The following MTFR1L variants were observed in gnomAD, a reference collection of about 807,000 sequenced individuals.
MTFR1L encodes the protein mitochondrial fission regulator 1-like.
In MTFR1L, 10 loss-of-function variants were observed where a neutral mutation model predicts 27.9. The ratio of observed to expected loss-of-function variants is 0.36; its 90% CI spans 0.22 to 0.61. The LOEUF is 0.61. Among genes scored for constraint, MTFR1L ranks in the 20% least tolerant of loss-of-function variants. The probability of loss-of-function intolerance (pLI) is 0.73; values close to 1 mark genes in which losing one functional copy is unlikely to be tolerated. For missense variants in MTFR1L, 315 were observed against 363.7 expected, an observed-to-expected ratio of 0.87 and a Z score of 1.09; for synonymous variants, 151 against 139.4, an observed-to-expected ratio of 1.08 and a Z score of -0.58.
chr1:25,821,248 T>A (rs1461753790), intron 1 of MTFR1L, among the ~76,000 whole-genome samples: 1 of 152,202 alleles, frequency 6.6e-6, no homozygotes. Context: ...GTGTGAGGGT[T>A]AGGCCCGGCT....
intron 1 of MTFR1L, 32 bp downstream of exon 1, chr1:25,820,061 G>T (rs2048064954): frequency 2.5e-6 from 1 of 403,114 alleles, no homozygotes; most frequent in Non-Finnish European, 4.8e-6. Flanking sequence ...CGCGGAGGCG[G>T]GAGCGCGACC....
intron 3 of MTFR1L, among the ~76,000 whole-genome samples, chr1:25,824,973 C>G (rs1475571311): frequency 6.6e-6 from 1 of 151,946 alleles, no homozygotes; most frequent in Non-Finnish European, 1.5e-5. Flanking sequence ...ATGTGTCAGG[C>G]ACTGTGCTGT....
At chr1:25,823,576 G>A in intron 2 of MTFR1L, 68 bp from the exon 3 acceptor site, 2 of 1,576,918 alleles carry the variant, frequency 1.3e-6, no homozygotes, top group Non-Finnish European at 1.7e-6. Context: ...AACCTAGAGA[G>A]GAGAGGACAA....
Position 25,819,981 on chromosome 1 carries a change from G to A in MTFR1L, c.-135G>A. Reference sequence around the variant, plus strand: ...GGCGGTTGAGGCTGGGCGGCCCAAGGTGGAAGGAGGGGCCGTGAGGTGAGA... The same window carrying A: ...GGCGGTTGAGGCTGGGCGGCCCAAGATGGAAGGAGGGGCCGTGAGGTGAGA... On this transcript the variant is annotated 5_prime_UTR_variant, in exon 1 of 7. It adds an upstream start codon to the 5' untranslated region. Transcript: ENST00000374303. 3 of 332,640 alleles carry A rather than the reference G, an allele frequency of 9.0e-6. No homozygotes were observed. Among genetic ancestry groups the A allele is most frequent in the South Asian group, 6.6e-5 (3 of 45,498 alleles). The allele number at this position is 332,640 out of a possible 1,614,324, so 20.6% of individuals were successfully genotyped here. A position where few individuals can be genotyped will look rare whatever the true frequency, so the allele number is the denominator to read the frequency against.
At chr1:25,823,811 C>A in intron 3 of MTFR1L, 63 bp downstream of exon 3, 1 of 1,573,030 alleles carries the variant, frequency 6.4e-7, no homozygotes, top group Non-Finnish European at 8.6e-7. Context: ...TGCCCCAAAC[C>A]CCTTGGTACT....
intron 6 of MTFR1L, among the ~76,000 whole-genome samples, chr1:25,830,782 C>T (rs2124485030): frequency 6.6e-6 from 1 of 152,276 alleles, no homozygotes; most frequent in African/African-American, 2.4e-5. Context: ...TCCTGGGATC[C>T]ATTTCCCTCT....
intron 1 of MTFR1L, 152 bp downstream of exon 1, chr1:25,820,181 C>G (rs1478105135): frequency 4.4e-6 from 2 of 453,582 alleles, no homozygotes; most frequent in Non-Finnish European, 8.9e-6. Flanking sequence ...CTCACTTGGC[C>G]CGGGGGAAAC....
chr1:25,822,978 G>T lies in MTFR1L; in HGVS notation c.-86-41G>T, dbSNP rs766272979. Reference sequence around the variant, plus strand: ...GTGGTGACCATTAAATCCCCACTGTGGGGGGTTGTTTCACAAGAGGGAAAT... The same window carrying T: ...GTGGTGACCATTAAATCCCCACTGTTGGGGGTTGTTTCACAAGAGGGAAAT... On this transcript the variant is annotated intron_variant, in intron 1 of 6. Coordinates refer to ENST00000374303, the MANE Select transcript of MTFR1L (RefSeq NM_001099625.2). 5.8e-6 allele frequency: 9 copies of T among 1,543,562 alleles called. No individual in the cohort carries two copies. In the East Asian group the frequency reaches 2.0e-4, roughly 35 times the overall value.
At chr1:25,823,514 C>A in intron 2 of MTFR1L, 130 bp from the exon 3 acceptor site, 1 of 1,431,736 alleles carries the variant, frequency 7.0e-7, no homozygotes, top group East Asian at 2.5e-5. Flanking sequence ...TGAGAGTTGA[C>A]TTGCCCCTAG....
At chr1:25,822,534 T>C (rs1304792838) in intron 1 of MTFR1L, 1 of 147,446 alleles carries the variant, frequency 6.8e-6, no homozygotes, top group Admixed American at 6.6e-5. Context: ...TTTTTTTTTT[T>C]TTTTTTTTTT....
intron 5 of MTFR1L, among the ~76,000 whole-genome samples, chr1:25,827,899 G>A (rs2048188653): frequency 6.6e-6 from 1 of 150,810 alleles, no homozygotes; most frequent in Non-Finnish European, 1.5e-5. Context: ...CTAATTTTTT[G>A]TATTTTTAGT....
chr1:25,820,393 C>G (rs984412), intron 1 of MTFR1L: 358,563 of 453,108 alleles, frequency 0.79, 143,611 homozygotes, highest in East Asian at 0.98. Context: ...AGGCGGCGAG[C>G]ACTTGGCCGA....
Position 25,832,916 on chromosome 1 carries a change from AAAGG to A in MTFR1L, c.*896_*899del, listed in dbSNP as rs1307745018. 2 of 152,402 alleles carry A rather than the reference AAAGG, an allele frequency of 1.3e-5. No homozygotes were observed. Among genetic ancestry groups the A allele is most frequent in the Non-Finnish European group, 2.9e-5 (2 of 68,106 alleles). 9.4% of individuals were successfully genotyped at this position (152,402 alleles called of 1,614,324 possible). A position where few individuals can be genotyped will look rare whatever the true frequency, so the allele number is the denominator to read the frequency against. On this transcript the variant is annotated 3_prime_UTR_variant, in exon 7 of 7. Coordinates refer to ENST00000374303, the MANE Select transcript of MTFR1L (RefSeq NM_001099625.2). Reference sequence around the variant, plus strand: ...TTGGGTTGAAGCACTACCTGACATTAAAGGAAGGACTTGGAGAGAGAATGCATTT... The same window carrying A: ...TTGGGTTGAAGCACTACCTGACATTAAAGGACTTGGAGAGAGAATGCATTT...
chr1:25,831,896 A>T lies in MTFR1L; in HGVS notation c.774-25A>T, dbSNP rs752881811. On this transcript the variant is annotated intron_variant, in intron 6 of 6. Transcript: ENST00000374303. Reference sequence around the variant, plus strand: ...CAGCACTACACAGGAAAGAGTAAGTACTCAAGCTATTATTGTGTCTCTAGG... The same window carrying T: ...CAGCACTACACAGGAAAGAGTAAGTTCTCAAGCTATTATTGTGTCTCTAGG... The T allele has an allele frequency of 2.5e-6, 4 of 1,574,208 alleles. No homozygotes were observed. In the Admixed American group the frequency reaches 6.7e-5, roughly 26 times the overall value.
intron 1 of MTFR1L, among the ~76,000 whole-genome samples, chr1:25,821,303 G>C (rs1572244013): frequency 6.6e-6 from 1 of 152,224 alleles, no homozygotes; most frequent in African/African-American, 2.4e-5. Context: ...AGTAAGCACC[G>C]TTAGTGCAAT....
chr1:25,832,344 A>T lies in MTFR1L; in HGVS notation c.*318A>T. The T allele has an allele frequency of 1.6e-6, 1 of 633,922 alleles. No individual in the cohort carries two copies. The highest frequency in any genetic ancestry group is 1.9e-5 in the South Asian group (1 of 51,946). 39.3% of individuals were successfully genotyped at this position (633,922 alleles called of 1,614,324 possible). A position where few individuals can be genotyped will look rare whatever the true frequency, so the allele number is the denominator to read the frequency against. ...CCTGTGTGAAAATAGGTCCTAAATG[A>T]CTGACTTCACTGCATTAGACCCTAT... On this transcript the variant is annotated 3_prime_UTR_variant, in exon 7 of 7. Transcript: ENST00000374303.
In MTFR1L at chr1:25,832,491, A is replaced by ATCT. The variant is rs1319078491; in HGVS notation, c.*467_*469dup. 6 of 300,710 alleles carry ATCT rather than the reference A, an allele frequency of 2.0e-5. No homozygotes were observed. In the East Asian group the frequency reaches 4.0e-4, roughly 20 times the overall value. 18.6% of individuals were successfully genotyped at this position (300,710 alleles called of 1,614,324 possible). On this transcript the variant is annotated 3_prime_UTR_variant, in exon 7 of 7. Transcript: ENST00000374303. ...TATACATGTTCACAGGGCACGGAAAATCTTATGCTGCTCCGTCATAAACCT... is the reference window on the plus strand; with the variant it reads ...TATACATGTTCACAGGGCACGGAAAATCTTCTTATGCTGCTCCGTCATAAACCT...
Position 25,832,293 on chromosome 1 carries a change from G to A in MTFR1L, c.*267G>A, listed in dbSNP as rs1162404244. The A allele has an allele frequency of 9.7e-7, 1 of 1,027,694 alleles. No individual in the cohort carries two copies. The highest frequency in any genetic ancestry group is 1.4e-6 in the Non-Finnish European group (1 of 714,480). 63.7% of individuals were successfully genotyped at this position (1,027,694 alleles called of 1,614,324 possible). Reference sequence around the variant, plus strand: ...GTATCTTAGTTTAAAGGGTAAGAGAGAAGTTGTTTCTGGTTTTTCCTTGCC... The same window carrying A: ...GTATCTTAGTTTAAAGGGTAAGAGAAAAGTTGTTTCTGGTTTTTCCTTGCC... On this transcript the variant is annotated 3_prime_UTR_variant, in exon 7 of 7. Transcript: ENST00000374303.
intron 6 of MTFR1L, 37 bp from the exon 7 acceptor site, chr1:25,831,884 G>A (rs1348225015): frequency 6.5e-7 from 1 of 1,535,494 alleles, no homozygotes; most frequent in Non-Finnish European, 9.0e-7. Flanking sequence ...CACTACACAG[G>A]AAAGAGTAAG....
Sources: gnomAD v4.1 joint callset for allele counts (sites outside exome capture counted in the v4.1 genomes callset) on GRCh38, gnomAD v4.1.1 for gene constraint, MANE v1.5 for transcripts, NCBI Gene and HGNC (gene_info 2026-07-23, HGNC 2026-07-21) for gene names.